The following NRF1 variants were observed in gnomAD, a reference collection of about 807,000 sequenced individuals.
NRF1 encodes nuclear respiratory factor 1, also known as alpha palindromic-binding protein.
In NRF1, 5 loss-of-function variants were observed where a neutral mutation model predicts 58.5. The observed-to-expected ratio is 0.09, with a 90% CI of 0.04 to 0.18. The LOEUF (loss-of-function observed/expected upper bound fraction) is 0.18, where lower values mean the gene tolerates loss of function less well. Among genes scored for constraint, NRF1 ranks in the 10% least tolerant of loss-of-function variants. The probability of loss-of-function intolerance (pLI) is 1.00; values close to 1 mark genes in which losing one functional copy is unlikely to be tolerated. For synonymous variants in NRF1, 224 were observed against 246.7 expected, an observed-to-expected ratio of 0.91 and a Z score of 0.86; for missense variants, 288 against 657.7, an observed-to-expected ratio of 0.44 and a Z score of 6.15.
At chr7:129,747,586 T>C (rs1045220589) in intron 10 of NRF1, among the ~76,000 whole-genome samples, 1 of 152,202 alleles carries the variant, frequency 6.6e-6, no homozygotes, top group African/African-American at 2.4e-5. Flanking sequence ...CTGTAATAGA[T>C]TTTAATGTGT....
At chr7:129,704,611 C>G (rs938172301) in intron 5 of NRF1, among the ~76,000 whole-genome samples, 11 of 152,244 alleles carry the variant, frequency 7.2e-5, no homozygotes, top group Admixed American at 7.2e-4. Context: ...ATTTTTTTAA[C>G]ATTTGCATAT....
chr7:129,749,715 A>G (rs1804068336), intron 10 of NRF1, among the ~76,000 whole-genome samples: 1 of 152,120 alleles, frequency 6.6e-6, no homozygotes, highest in African/African-American at 2.4e-5. Context: ...GTTTAAGGAC[A>G]TTCTAATATA....
chr7:129,725,670 A>C (rs1174106077), intron 9 of NRF1, among the ~76,000 whole-genome samples: 1 of 152,186 alleles, frequency 6.6e-6, no homozygotes, highest in Non-Finnish European at 1.5e-5. Flanking sequence ...AGAAGGAAAT[A>C]ATTATGATAT....
At chr7:129,637,430 C>G (rs1801190949) in intron 1 of NRF1, among the ~76,000 whole-genome samples, 1 of 152,048 alleles carries the variant, frequency 6.6e-6, no homozygotes, top group African/African-American at 2.4e-5. Flanking sequence ...TGCTGTTTGT[C>G]TTTTCTTTCT....
intron 3 of NRF1, among the ~76,000 whole-genome samples, chr7:129,674,207 T>C (rs1802123200): frequency 6.6e-6 from 1 of 152,172 alleles, no homozygotes; most frequent in Non-Finnish European, 1.5e-5. Context: ...AGAATAATTA[T>C]TTATATCACA....
chr7:129,725,106 G>A (rs553362633), intron 9 of NRF1, among the ~76,000 whole-genome samples: 1 of 152,266 alleles, frequency 6.6e-6, no homozygotes, highest in East Asian at 1.9e-4. Context: ...GTGGTTGCCA[G>A]GGGCTAGGGA....
At chr7:129,751,136 G>T (rs1002453216) in intron 10 of NRF1, among the ~76,000 whole-genome samples, 1 of 152,214 alleles carries the variant, frequency 6.6e-6, no homozygotes, top group African/African-American at 2.4e-5. Flanking sequence ...GAGAGAGGCT[G>T]GGGAGGAGCC....
rs530367916 is a variant in NRF1 at position 129,661,228 on chromosome 7, A to G, written c.223+3654A>G. On this transcript the variant is annotated intron_variant, in intron 2 of 10. Coordinates refer to ENST00000393232, the MANE Select transcript of NRF1 (RefSeq NM_005011.5). ...TGAAACCTCCTAGGTCTCCAGGCCT[A>G]TGATGGGAGGGGCTACTGTGAAGAC... is the stretch of plus-strand genomic sequence containing the variant. Among the ~76,000 whole-genome samples the G allele has an allele frequency of 1.2e-4, 18 of 151,444 alleles. 2 individuals are homozygous for G. The highest frequency in any genetic ancestry group is 4.2e-4 in the African/African-American group (17 of 40,716).
intron 1 of NRF1, among the ~76,000 whole-genome samples, chr7:129,655,475 T>C (rs1312261745): frequency 1.3e-5 from 2 of 152,092 alleles, no homozygotes; most frequent in Non-Finnish European, 2.9e-5. Flanking sequence ...TCCAGTACAA[T>C]GTTAAAAAGA....
chr7:129,688,688 GA>G (rs1802496854), intron 4 of NRF1, among the ~76,000 whole-genome samples: 1 of 148,916 alleles, frequency 6.7e-6, no homozygotes, highest in Non-Finnish European at 1.5e-5. Flanking sequence ...TGGCAGGAGA[GA>G]GACAGAGAGA....
chr7:129,717,203 G>T lies in NRF1; in HGVS notation c.1066-16G>T. 1 of 1,580,434 alleles carries T rather than the reference G, an allele frequency of 6.3e-7. No individual in the cohort carries two copies. Among genetic ancestry groups the T allele is most frequent in the Middle Eastern group, 1.7e-4 (1 of 5,924 alleles). On this transcript the variant is annotated splice_polypyrimidine_tract_variant and intron_variant, in intron 8 of 10. Coordinates refer to ENST00000393232, the MANE Select transcript of NRF1 (RefSeq NM_005011.5). Reference sequence around the variant, plus strand: ...TGTGGCTTTGTTTTTTTACTATCTTGTCCTTTCTGCCTCAGGTGGAACAAA... The same window carrying T: ...TGTGGCTTTGTTTTTTTACTATCTTTTCCTTTCTGCCTCAGGTGGAACAAA...
chr7:129,745,329 A>G (rs1803948472), intron 10 of NRF1, among the ~76,000 whole-genome samples: 1 of 152,120 alleles, frequency 6.6e-6, no homozygotes, highest in African/African-American at 2.4e-5. Flanking sequence ...TGTCCTCCAG[A>G]GCAGGGGTCC....
chr7:129,626,075 C>G (rs986647233), intron 1 of NRF1, among the ~76,000 whole-genome samples: 86 of 152,164 alleles, frequency 5.7e-4, no homozygotes, highest in African/African-American at 1.8e-3. Context: ...CCACCTTGGC[C>G]TGCCACAGTG....
intron 1 of NRF1, among the ~76,000 whole-genome samples, chr7:129,612,390 C>T (rs946473199): frequency 2.6e-5 from 4 of 152,174 alleles, no homozygotes; most frequent in Admixed American, 2.6e-4. Context: ...GGGCGACCTC[C>T]GAAGCTTCCC....
intron 1 of NRF1, among the ~76,000 whole-genome samples, chr7:129,649,557 C>T (rs1298126306): frequency 1.3e-5 from 2 of 152,048 alleles, no homozygotes. Context: ...TGGACATTTC[C>T]TTCAAATTCC....
At chr7:129,750,543 C>T (rs78596704) in intron 10 of NRF1, among the ~76,000 whole-genome samples, 1 of 152,154 alleles carries the variant, frequency 6.6e-6, no homozygotes. Context: ...TAGACAGAAA[C>T]TCTATGTAGA....
chr7:129,714,293 T>C (rs996468584), intron 8 of NRF1, among the ~76,000 whole-genome samples: 1 of 152,238 alleles, frequency 6.6e-6, no homozygotes. Context: ...ACTACAAATA[T>C]AGTTGTAACT....
intron 1 of NRF1, among the ~76,000 whole-genome samples, chr7:129,615,898 A>C (rs1211472074): frequency 6.6e-6 from 1 of 152,206 alleles, no homozygotes; most frequent in Non-Finnish European, 1.5e-5. Context: ...AGGAGATTAA[A>C]ACCATATTGA....
chr7:129,691,706 G>A (rs914539148), intron 5 of NRF1, among the ~76,000 whole-genome samples: 1 of 151,920 alleles, frequency 6.6e-6, no homozygotes, highest in Admixed American at 6.6e-5. Flanking sequence ...CACTTGTCAG[G>A]TTTTTTTCCT....
Sources: allele counts gnomAD v4.1 joint callset (sites outside exome capture counted in the v4.1 genomes callset), GRCh38; gene constraint gnomAD v4.1.1; transcripts MANE v1.5; gene names NCBI Gene and HGNC (gene_info 2026-07-23, HGNC 2026-07-21).